RUFY2: variants seen among roughly 807,000 people sequenced by gnomAD.
The protein encoded by RUFY2 is RUN and FYVE domain containing 2.
A neutral mutation model predicts 94.4 loss-of-function variants in RUFY2; 49 were observed. The ratio of observed to expected loss-of-function variants is 0.52; its 90% confidence interval spans 0.41 to 0.66. The LOEUF is 0.66. Ranked by LOEUF, RUFY2 falls within the 30% of genes least tolerant of loss-of-function variation. RUFY2 has a pLI of 0.00. For missense variants in RUFY2, 541 were observed against 692.8 expected (o/e 0.78, Z 2.46); for synonymous variants, 255 against 235.7 (o/e 1.08, Z -0.75).
In RUFY2 at chr10:68,407,216, C is replaced by A; in HGVS notation, c.-27G>T. The A allele has an allele frequency of 2.9e-6, 4 of 1,398,808 alleles. No homozygotes were observed. The highest frequency in any genetic ancestry group is 3.7e-6 in the Non-Finnish European group (4 of 1,088,488). 86.6% of individuals were successfully genotyped at this position (1,398,808 alleles called of 1,614,324 possible). A position where few individuals can be genotyped will look rare whatever the true frequency, so the allele number is the denominator to read the frequency against. ...GCGGCGGCGGCTGCGCGGTCTCGGG[C>A]GGAGGCTCCCTCGGCCTGTCCAGCA... On this transcript the variant is annotated 5_prime_UTR_variant, in exon 1 of 18. Coordinates refer to ENST00000602465, the MANE Select transcript of RUFY2 (RefSeq NM_001330103.2).
At position 68,396,672 on chromosome 10, in the gene RUFY2, A is replaced by C. The variant is rs890544847; in HGVS notation, c.398+108T>G. ...TTTGCTCCTCCTCTTATTTTATATC[A>C]TTTTATTATATGTTATATATCCTTT... On this transcript the variant is annotated intron_variant, in intron 4 of 17. Coordinates refer to ENST00000602465, the MANE Select transcript of RUFY2 (RefSeq NM_001330103.2). 3 of 635,458 alleles carry C rather than the reference A, an allele frequency of 4.7e-6. No individual in the cohort carries two copies. The African/African-American group carries it at 5.5e-5, about 12-fold the overall frequency. The allele number at this position is 635,458 out of a possible 1,614,324, so 39.4% of individuals were successfully genotyped here.
Position 68,344,282 on chromosome 10 carries a change from T to G in RUFY2, c.*1486A>C, listed in dbSNP as rs1470900843. On this transcript the variant is annotated 3_prime_UTR_variant, in exon 18 of 18. Coordinates refer to ENST00000602465, the MANE Select transcript of RUFY2 (RefSeq NM_001330103.2). ...TTCATGAAGAAAAGATCCTGCAGTA[T>G]TAATAAGAACTCCTTTGTAGGCAGG... is the stretch of plus-strand genomic sequence containing the variant. 1 of 152,206 alleles carries G rather than the reference T, an allele frequency of 6.6e-6. No homozygotes were observed. The highest frequency in any genetic ancestry group is 2.4e-5 in the African/African-American group (1 of 41,450). 9.4% of individuals were successfully genotyped at this position (152,206 alleles called of 1,614,324 possible).
chr10:68,369,491 A>G (rs1487759104), intron 13 of RUFY2, among the ~76,000 whole-genome samples: 13 of 11,568 alleles, frequency 1.1e-3, no homozygotes, highest in Non-Finnish European at 1.7e-3. Context: ...TCTCAAAAAA[A>G]AAAAACAAAA....
chr10:68,394,677 C>G lies in RUFY2; in HGVS notation c.399-226G>C, dbSNP rs889789215. On this transcript the variant is annotated intron_variant, in intron 4 of 17. Coordinates refer to ENST00000602465, the MANE Select transcript of RUFY2 (RefSeq NM_001330103.2). ...CGAAGTCTTGCTCTTTCACCCAGGC[C>G]GGACTGCAGTGGCACTATCTTGGCT... Among the ~76,000 whole-genome samples, 3 of 151,448 alleles carry G rather than the reference C, an allele frequency of 2.0e-5. No individual in the cohort carries two copies. The East Asian group carries it at 5.8e-4, about 29-fold the overall frequency.
At chr10:68,368,750 T>C (rs2048043443) in intron 13 of RUFY2, among the ~76,000 whole-genome samples, 1 of 152,198 alleles carries the variant, frequency 6.6e-6, no homozygotes, top group Admixed American at 6.6e-5. Flanking sequence ...AACATGGTGA[T>C]GAGTTACCTC....
intron 1 of RUFY2, chr10:68,406,767 C>G: frequency 6.2e-7 from 1 of 1,611,386 alleles, no homozygotes; most frequent in Non-Finnish European, 8.5e-7. Context: ...GGCTCCTGCG[C>G]GTCAGCATTC....
At chr10:68,367,039 G>A (rs1461929571) in intron 13 of RUFY2, among the ~76,000 whole-genome samples, 1 of 150,876 alleles carries the variant, frequency 6.6e-6, no homozygotes, top group Non-Finnish European at 1.5e-5. Flanking sequence ...GTGGTGGCGG[G>A]TGCCTGTAAT....
intron 15 of RUFY2, among the ~76,000 whole-genome samples, chr10:68,357,201 G>T (rs190631313): frequency 6.6e-6 from 1 of 151,742 alleles, no homozygotes; most frequent in Non-Finnish European, 1.5e-5. Flanking sequence ...TACATATGTT[G>T]GGATCAATTT....
intron 13 of RUFY2, among the ~76,000 whole-genome samples, chr10:68,376,490 A>AT (rs1185859516): frequency 4.5e-5 from 1 of 22,386 alleles, no homozygotes; most frequent in African/African-American, 7.9e-5. Context: ...ATATATATAT[A>AT]TTCTCAGAAA....
chr10:68,368,583 C>T (rs546851889), intron 13 of RUFY2, among the ~76,000 whole-genome samples: 11 of 151,936 alleles, frequency 7.2e-5, no homozygotes, highest in African/African-American at 1.9e-4. Flanking sequence ...CGCTTGAACC[C>T]GGGAGGCGGA....
intron 15 of RUFY2, among the ~76,000 whole-genome samples, chr10:68,359,760 C>A (rs2047333171): frequency 6.7e-6 from 1 of 149,500 alleles, no homozygotes. Flanking sequence ...CCACTGCAGT[C>A]CAGCCTAAGC....
chr10:68,348,262 TTGAGAGGCCAAGG>T (rs981395829), intron 16 of RUFY2, among the ~76,000 whole-genome samples: 1 of 151,674 alleles, frequency 6.6e-6, no homozygotes, highest in Non-Finnish European at 1.5e-5. Flanking sequence ...TTTTGAGACT[TTGAGAGGCCAAGG>T]TGAGAGGCTC....
chr10:68,396,803 T>C lies in RUFY2; in HGVS notation c.375A>G (p.Leu125=). 1 of 1,613,484 alleles carries C rather than the reference T, an allele frequency of 6.2e-7. No homozygotes were observed. Among genetic ancestry groups the C allele is most frequent in the Non-Finnish European group, 8.5e-7 (1 of 1,179,418 alleles). The change falls in exon 4 of 18, where the codon TTA becomes TTG. Residue 125 remains leucine, a synonymous_variant. Transcript: ENST00000602465. ...ACCTCAAGAGATCCCTCTGAATAAT[T>C]AAGCAACGTAAGTAATCGGCCATTT... ...QKKMADYLRC[L]IIQRDLLSEF...
At chr10:68,387,451 CA>C (rs1281386179) in intron 7 of RUFY2, among the ~76,000 whole-genome samples, 1 of 152,130 alleles carries the variant, frequency 6.6e-6, no homozygotes, top group Non-Finnish European at 1.5e-5. Flanking sequence ...TATGTTTCAG[CA>C]AAATCAACAA....
chr10:68,377,206 T>C, intron 12 of RUFY2: 2 of 1,359,700 alleles, frequency 1.5e-6, no homozygotes, highest in Non-Finnish European at 1.9e-6. Flanking sequence ...TATCTTCAAA[T>C]TTGTTTTATT....
Position 68,387,357 on chromosome 10 carries a change from C to CA in RUFY2, c.651-1230dup, listed in dbSNP as rs374202344. Among the ~76,000 whole-genome samples the CA allele has an allele frequency of 6.6e-4, 99 of 150,248 alleles. 2 individuals carry two copies. Among genetic ancestry groups the CA allele is most frequent in the African/African-American group, 2.2e-3 (92 of 40,974 alleles). On this transcript the variant is annotated intron_variant, in intron 7 of 17. Transcript: ENST00000602465. ...GGGCAACAAGGGCAAAACTCCATCT[C>CA]AAAAAAAAAGAATGTTGTCCAAGGC... is the stretch of plus-strand genomic sequence containing the variant.
In RUFY2 at chr10:68,381,452, A is replaced by G. The variant is rs977692455; in HGVS notation, c.940-53T>C. 2.6e-6 allele frequency: 4 copies of G among 1,529,638 alleles called. No individual in the cohort carries two copies. In the African/African-American group the frequency reaches 5.5e-5, roughly 21 times the overall value. The allele number at this position is 1,529,638 out of a possible 1,614,324, so 94.8% of individuals were successfully genotyped here. On this transcript the variant is annotated intron_variant, in intron 10 of 17. Coordinates refer to ENST00000602465, the MANE Select transcript of RUFY2 (RefSeq NM_001330103.2). ...CATGCCACTTCAGGATGTAAAAATT[A>G]GATATACTTTAAGAAAGATTTTCCA...
chr10:68,381,880 T>C (rs2049085938), intron 10 of RUFY2, among the ~76,000 whole-genome samples: 1 of 152,206 alleles, frequency 6.6e-6, no homozygotes, highest in Admixed American at 6.5e-5. Flanking sequence ...AACGCAGTTT[T>C]TGTTAAAATG....
At position 68,394,002 on chromosome 10, in the gene RUFY2, G is replaced by C. The variant is rs901149157; in HGVS notation, c.584+73C>G. The C allele has an allele frequency of 7.6e-6, 11 of 1,452,370 alleles. No homozygotes were observed. In the Admixed American group the frequency reaches 1.4e-4, roughly 19 times the overall value. 90.0% of individuals were successfully genotyped at this position (1,452,370 alleles called of 1,614,324 possible). A position where few individuals can be genotyped will look rare whatever the true frequency, so the allele number is the denominator to read the frequency against. On this transcript the variant is annotated intron_variant, in intron 6 of 17. Transcript: ENST00000602465. ...ACAAAATAAAACCACACTGTAAATA[G>C]ATGGATCTTATAATGATTTGTAAAG...
Sources: gnomAD v4.1 joint callset for allele counts (sites outside exome capture counted in the v4.1 genomes callset) on GRCh38, gnomAD v4.1.1 for gene constraint, MANE v1.5 for transcripts, NCBI Gene and HGNC (gene_info 2026-07-23, HGNC 2026-07-21) for gene names.